The following NUB1 variants were observed in gnomAD, a reference collection of about 807,000 sequenced individuals.
The protein encoded by NUB1 is negative regulator of ubiquitin like proteins 1.
NUB1 carries 41 observed loss-of-function variants against 77.1 expected under a neutral mutation model. That is an observed-to-expected ratio of 0.53 (90% CI 0.41 to 0.69). The LOEUF (loss-of-function observed/expected upper bound fraction) is 0.69, where lower values mean the gene tolerates loss of function less well. Among genes scored for constraint, NUB1 ranks in the 30% least tolerant of loss-of-function variants. The pLI is 0.00. For missense variants in NUB1, 643 were observed against 743.8 expected, an observed-to-expected ratio of 0.86 and a Z score of 1.58; for synonymous variants, 257 against 281.0, an observed-to-expected ratio of 0.91 and a Z score of 0.85.
At position 151,351,455 on chromosome 7, in the gene NUB1, A is replaced by C. The variant is rs1242075278; in HGVS notation, c.317A>C (p.His106Pro). Residue 106 changes from histidine to proline, a missense_variant, in exon 4 of 15, where the codon CAC becomes CCC. By Grantham distance (77) the His-to-Pro change is moderately conservative (BLOSUM62 -2). Transcript: ENST00000568733. ...DRKNLLETRL[H>P]ITGRELRSKI... ...AAAAACTTGTTGGAGACCCGATTGC[A>C]CATCACTGGCAGAGAACTGAGGTCC... is the stretch of plus-strand genomic sequence containing the variant. 1 of 1,613,260 alleles carries C rather than the reference A, an allele frequency of 6.2e-7. No individual in the cohort carries two copies. The highest frequency in any genetic ancestry group is 1.1e-5 in the South Asian group (1 of 90,962).
chr7:151,370,499 A>G (rs1466047597), intron 11 of NUB1, among the ~76,000 whole-genome samples: 1 of 152,160 alleles, frequency 6.6e-6, no homozygotes, highest in Non-Finnish European at 1.5e-5. Flanking sequence ...CACTACCAGT[A>G]AGAATTTATT....
intron 1 of NUB1, 77 bp downstream of exon 1, chr7:151,341,923 G>A (rs1408483760): frequency 2.0e-5 from 28 of 1,410,024 alleles, no homozygotes; most frequent in Non-Finnish European, 2.5e-5. Flanking sequence ...CGGTCCGACT[G>A]GGCACCTCTC....
chr7:151,357,124 C>G (rs1263411281), intron 7 of NUB1, among the ~76,000 whole-genome samples: 1 of 152,014 alleles, frequency 6.6e-6, no homozygotes, highest in Non-Finnish European at 1.5e-5. Context: ...TTGAGCGATC[C>G]TCCCGCCTCC....
intron 1 of NUB1, 166 bp downstream of exon 1, chr7:151,342,012 G>T: frequency 8.0e-7 from 1 of 1,243,702 alleles, no homozygotes; most frequent in Non-Finnish European, 1.0e-6. Context: ...GCCGGGGCCG[G>T]GAGCGGTGGG....
rs768788847 is a variant in NUB1, at chr7:151,367,025, A to G, written c.887A>G (p.Gln296Arg). 7.4e-6 allele frequency: 12 copies of G among 1,613,988 alleles called. No individual in the cohort carries two copies. Among genetic ancestry groups the G allele is most frequent in the East Asian group, 2.2e-5 (1 of 44,890 alleles). Reference sequence around the variant, plus strand: ...GTGTGGTGTTACTTCCGCCTGGAACAGCTGGAATGCCTTGATGATGCAGAA... The same window carrying G: ...GTGTGGTGTTACTTCCGCCTGGAACGGCTGGAATGCCTTGATGATGCAGAA... The part of the protein sequence containing the change: ...DIVWCYFRLE[Q>R]LECLDDAEKK... The change falls in exon 9 of 15, where the codon CAG becomes CGG. Residue 296 changes from glutamine to arginine, a missense_variant. Coordinates refer to ENST00000568733, the MANE Select transcript of NUB1 (RefSeq NM_001243351.2).
At chr7:151,377,023 T>G in intron 14 of NUB1, 24 bp from the exon 15 acceptor site, 1 of 1,511,554 alleles carries the variant, frequency 6.6e-7, no homozygotes, top group East Asian at 2.4e-5. Context: ...ATAATTCACT[T>G]ACTCCTGCGG....
chr7:151,366,353 G>C (rs1444698501), intron 8 of NUB1, among the ~76,000 whole-genome samples: 1 of 152,162 alleles, frequency 6.6e-6, no homozygotes, highest in African/African-American at 2.4e-5. Context: ...GCCGTCATCA[G>C]CTGAGGCATT....
chr7:151,347,905 A>C (rs1317475389), intron 2 of NUB1, among the ~76,000 whole-genome samples: 3 of 152,140 alleles, frequency 2.0e-5, no homozygotes, highest in African/African-American at 7.2e-5. Context: ...GGTTTTTTGA[A>C]GTGTTTACTG....
chr7:151,364,656 C>G (rs1467071185), intron 8 of NUB1, among the ~76,000 whole-genome samples: 1 of 151,880 alleles, frequency 6.6e-6, no homozygotes, highest in Non-Finnish European at 1.5e-5. Context: ...TCCCGAGTAG[C>G]TGGGATTACA....
chr7:151,352,768 C>A, intron 4 of NUB1, 44 bp from the exon 5 acceptor site: 1 of 1,240,320 alleles, frequency 8.1e-7, no homozygotes, highest in South Asian at 1.2e-5. Flanking sequence ...GATAATAAAT[C>A]GCAATTTTGT....
intron 13 of NUB1, chr7:151,376,145 T>TG: frequency 1.8e-6 from 1 of 546,524 alleles, no homozygotes; most frequent in African/African-American, 1.9e-5. Flanking sequence ...GCAGGAAAAC[T>TG]GGGGAAGTGT....
chr7:151,374,263 C>T lies in NUB1; in HGVS notation c.1395+20C>T. The T allele has an allele frequency of 1.9e-6, 3 of 1,550,998 alleles. No individual in the cohort carries two copies. The highest frequency in any genetic ancestry group is 4.9e-5 in the East Asian group (2 of 40,928). On this transcript the variant is annotated intron_variant, in intron 12 of 14. Coordinates refer to ENST00000568733, the MANE Select transcript of NUB1 (RefSeq NM_001243351.2). ...CTGAAGGTAGCAGCTCCCTCGGGGC[C>T]TCTGGCCTTGTCCCTGAGCAGTGGG...
Position 151,375,010 on chromosome 7 carries a change from T to C in NUB1, c.1395+767T>C, listed in dbSNP as rs576691695. Among the ~76,000 whole-genome samples the C allele has an allele frequency of 6.8e-3, 607 of 89,332 alleles. 7 individuals are homozygous for C. The highest frequency in any genetic ancestry group is 0.024 in the African/African-American group (571 of 24,034). 58.6% of individuals were successfully genotyped at this position (89,332 alleles called of 152,430 possible). On this transcript the variant is annotated intron_variant, in intron 12 of 14. Transcript: ENST00000568733. ...TAGGAGCTGGCTTAGGTTGTGCACG[T>C]GCTGGGGGCGGGGCTGGGGGGACAG...
chr7:151,376,593 G>A (rs1400107535), intron 13 of NUB1, 41 bp from the exon 14 acceptor site: 1 of 1,543,296 alleles, frequency 6.5e-7, no homozygotes, highest in South Asian at 1.2e-5. Flanking sequence ...GGCAGAAGAG[G>A]CGCCAGGGGC....
At chr7:151,367,235 T>A in intron 9 of NUB1, 110 bp downstream of exon 9, 1 of 780,810 alleles carries the variant, frequency 1.3e-6, no homozygotes, top group Non-Finnish European at 2.1e-6. Context: ...ATTTTGATAG[T>A]AGTATGCAGT....
chr7:151,368,918 G>C, intron 11 of NUB1, 31 bp downstream of exon 11: 2 of 1,564,018 alleles, frequency 1.3e-6, no homozygotes, highest in Non-Finnish European at 8.7e-7. Context: ...TAGCTCTCTT[G>C]GGTATGAAAG....
At chr7:151,373,107 T>G (rs1170169939) in intron 11 of NUB1, among the ~76,000 whole-genome samples, 1 of 152,148 alleles carries the variant, frequency 6.6e-6, no homozygotes, top group Non-Finnish European at 1.5e-5. Flanking sequence ...GGGAGGCGCC[T>G]GTTGCCTGGG....
chr7:151,364,532 T>G (rs1242600546), intron 8 of NUB1, among the ~76,000 whole-genome samples: 1 of 152,010 alleles, frequency 6.6e-6, no homozygotes, highest in Non-Finnish European at 1.5e-5. Context: ...ATTTTTGTTG[T>G]TGTTGTTTTT....
chr7:151,348,411 A>T (rs2150665451), intron 2 of NUB1, among the ~76,000 whole-genome samples: 1 of 151,802 alleles, frequency 6.6e-6, no homozygotes. Flanking sequence ...CTTCCAGTGG[A>T]GTTGAACAGT....
Sources: gnomAD v4.1 joint callset for allele counts (sites outside exome capture counted in the v4.1 genomes callset) on GRCh38, gnomAD v4.1.1 for gene constraint, MANE v1.5 for transcripts, NCBI Gene and HGNC (gene_info 2026-07-23, HGNC 2026-07-21) for gene names.